LRP5: variants seen among roughly 807,000 people sequenced by gnomAD.
The protein encoded by LRP5 is LDL receptor related protein 5.
In LRP5, 62 loss-of-function variants were observed where a neutral mutation model predicts 154.1. That is an observed-to-expected ratio of 0.40 (90% CI 0.33 to 0.50). The LOEUF is 0.50. LRP5 is among the 20% of genes least tolerant of loss of function. LRP5 has a pLI of 0.55. For missense variants in LRP5, 1,915 were observed against 2,336.7 expected (o/e 0.82, Z 3.72); for synonymous variants, 966 against 1,011.5 (o/e 0.96, Z 0.85).
intron 6 of LRP5, among the ~76,000 whole-genome samples, chr11:68,388,816 G>A (rs1347850642): frequency 3.9e-5 from 6 of 152,182 alleles, no homozygotes; most frequent in African/African-American, 9.7e-5. Flanking sequence ...GGTGAAACCC[G>A]CACAGGGTGG....
At chr11:68,397,962 CTGTGTGTGTTTGTGTGTG>C (rs1295480568) in intron 7 of LRP5, among the ~76,000 whole-genome samples, 27 of 36,670 alleles carry the variant, frequency 7.4e-4, no homozygotes, top group African/African-American at 1.7e-3. Context: ...CACTGCAGAG[CTGTGTGTGTTTGTGTGTG>C]TGTGTGTGTG....
rs532485677 is a variant in LRP5 at position 68,435,933 on chromosome 11, C to T, written c.4001-956C>T. Among the ~76,000 whole-genome samples, 5 of 152,294 alleles carry T rather than the reference C, an allele frequency of 3.3e-5. 1 individual carries two copies. The South Asian group carries it at 1.0e-3, about 32-fold the overall frequency. ...TAGAGATGGGGTTTCACCATGTTGG[C>T]CAGGCTGGTCTCAAACTCCTGGCCT... On this transcript the variant is annotated intron_variant, in intron 18 of 22. Coordinates refer to ENST00000294304, the MANE Select transcript of LRP5 (RefSeq NM_002335.4).
At chr11:68,399,213 T>C (rs2098651269) in intron 7 of LRP5, among the ~76,000 whole-genome samples, 1 of 151,774 alleles carries the variant, frequency 6.6e-6, no homozygotes, top group African/African-American at 2.4e-5. Context: ...TAAAAATATA[T>C]ATTTAAAAAG....
At chr11:68,400,323 G>A (rs1218750979) in intron 7 of LRP5, among the ~76,000 whole-genome samples, 4 of 152,174 alleles carry the variant, frequency 2.6e-5, no homozygotes, top group Non-Finnish European at 5.9e-5. Flanking sequence ...CAGGGAAATG[G>A]ACTTCCTTGC....
chr11:68,320,356 C>T (rs919037947), intron 1 of LRP5, among the ~76,000 whole-genome samples: 16 of 152,090 alleles, frequency 1.1e-4, no homozygotes, highest in Non-Finnish European at 2.4e-4. Context: ...TTTGCACAAC[C>T]CTCATTTCTG....
chr11:68,403,799 C>G, intron 8 of LRP5, 100 bp downstream of exon 8: 1 of 1,430,966 alleles, frequency 7.0e-7, no homozygotes, highest in Non-Finnish European at 9.6e-7. Flanking sequence ...GCTCAGGTGC[C>G]CCGACCTGGG....
At position 68,385,166 on chromosome 11, in the gene LRP5, C is replaced by A. The variant is rs557124010; in HGVS notation, c.1016-1150C>A. ...TTGAGACCAGAATCACCTGAGCATCCTCCTGTCCCCAGCTGTGTCCAGCCT... is the reference window on the plus strand; with the variant it reads ...TTGAGACCAGAATCACCTGAGCATCATCCTGTCCCCAGCTGTGTCCAGCCT... On this transcript the variant is annotated intron_variant, in intron 5 of 22. Transcript: ENST00000294304. 2.0e-5 allele frequency among the ~76,000 whole-genome samples: 3 copies of A among 152,340 alleles called. No individual in the cohort carries two copies. In the South Asian group the frequency reaches 6.2e-4, roughly 32 times the overall value.
At chr11:68,385,319 GC>G (rs1403908219) in intron 5 of LRP5, among the ~76,000 whole-genome samples, 1 of 152,160 alleles carries the variant, frequency 6.6e-6, no homozygotes, top group Non-Finnish European at 1.5e-5. Context: ...AGCAGGCTTG[GC>G]CCTGGGGGGC....
Position 68,348,020 on chromosome 11 carries a change from C to G in LRP5, c.265C>G (p.Gln89Glu). The G allele has an allele frequency of 6.2e-7, 1 of 1,614,160 alleles. No individual in the cohort carries two copies. Among genetic ancestry groups the G allele is most frequent in the Non-Finnish European group, 8.5e-7 (1 of 1,180,032 alleles). ...AGACGTGAGCGAGGAGGCCATCAAG[C>G]AGACCTACCTGAACCAGACGGGGGC... ...WTDVSEEAIK[Q>E]TYLNQTGAAV... The change falls in exon 2 of 23, where the codon CAG becomes GAG. Residue 89 changes from glutamine to glutamate, a missense_variant. Gln to Glu is a conservative substitution (Grantham distance 29). Around this residue, in one of 3 missense-constraint regions of LRP5, gnomAD observed 773 missense variants for 1,100.9 expected, o/e 0.70. Coordinates refer to ENST00000294304, the MANE Select transcript of LRP5 (RefSeq NM_002335.4).
At chr11:68,331,044 G>A (rs185741726) in intron 1 of LRP5, among the ~76,000 whole-genome samples, 28 of 152,364 alleles carry the variant, frequency 1.8e-4, no homozygotes, top group Non-Finnish European at 2.6e-4. Context: ...GTGATCAGGC[G>A]CAGTTGGGAA....
intron 8 of LRP5, among the ~76,000 whole-genome samples, chr11:68,405,106 C>T (rs2098654850): frequency 6.6e-6 from 1 of 151,830 alleles, no homozygotes; most frequent in African/African-American, 2.4e-5. Flanking sequence ...TGTAGTGAGC[C>T]CGTATCGTAC....
In LRP5 at chr11:68,353,934, G is replaced by A. The variant is rs1014918463; in HGVS notation, c.489-3716G>A. On this transcript the variant is annotated intron_variant, in intron 2 of 22. Transcript: ENST00000294304. The surrounding 1 kb of genome is among the most constrained non-coding windows in gnomAD (Gnocchi z 4.5). The stretch of plus-strand genomic sequence containing the variant: ...TTGAGGGAAGGCACATCCCTCCCAG[G>A]CCCAGGGTACCCATGTGGGTGGCAG... Among the ~76,000 whole-genome samples the A allele has an allele frequency of 4.6e-5, 7 of 152,190 alleles. No individual in the cohort carries two copies. Among genetic ancestry groups the A allele is most frequent in the African/African-American group, 1.7e-4 (7 of 41,452 alleles).
At chr11:68,397,090 C>T (rs972541165) in intron 7 of LRP5, among the ~76,000 whole-genome samples, 1 of 152,152 alleles carries the variant, frequency 6.6e-6, no homozygotes, top group Non-Finnish European at 1.5e-5. Context: ...GTTCTGGCCC[C>T]TGGGACACCT....
At chr11:68,379,306 C>A (rs1292629230) in intron 5 of LRP5, among the ~76,000 whole-genome samples, 1 of 152,140 alleles carries the variant, frequency 6.6e-6, no homozygotes. Flanking sequence ...GGTTCTTGGT[C>A]TTGAGTTTTG....
At position 68,312,822 on chromosome 11, in the gene LRP5, C is replaced by T. The variant is rs1330303034; in HGVS notation, c.91+17C>T. 1.9e-6 allele frequency: 2 copies of T among 1,030,214 alleles called. No homozygotes were observed. Among genetic ancestry groups the T allele is most frequent in the Non-Finnish European group, 2.3e-6 (2 of 861,334 alleles). The allele number at this position is 1,030,214 out of a possible 1,614,324, so 63.8% of individuals were successfully genotyped here. A position where few individuals can be genotyped will look rare whatever the true frequency, so the allele number is the denominator to read the frequency against. ...CCGCCGCGGGTAGGTGGGCGCAGGC[C>T]GGCCGGGGGCCGCGGGTTGCTCGGA... On this transcript the variant is annotated intron_variant, in intron 1 of 22. Coordinates refer to ENST00000294304, the MANE Select transcript of LRP5 (RefSeq NM_002335.4).
chr11:68,411,567 G>A lies in LRP5; in HGVS notation c.2450G>A (p.Arg817His), dbSNP rs1159453402. ...CTCACCATTGACTACGCTGACCAGC[G>A]CCTCTACTGGACCGACCTGGACACC... is the stretch of plus-strand genomic sequence containing the variant. ...NDLTIDYADQ[R>H]LYWTDLDTNM... is the part of the protein sequence containing the mutation. The change falls in exon 11 of 23, where the codon CGC becomes CAC. Residue 817 changes from arginine (R) to histidine (H), a missense_variant. Arg to His is a conservative substitution (Grantham distance 29). Transcript: ENST00000294304. The A allele has an allele frequency of 9.3e-6, 15 of 1,613,642 alleles. No individual in the cohort carries two copies. Among genetic ancestry groups the A allele is most frequent in the Admixed American group, 1.7e-5 (1 of 60,022 alleles).
chr11:68,319,080 T>G (rs1404852873), intron 1 of LRP5, among the ~76,000 whole-genome samples: 8 of 148,456 alleles, frequency 5.4e-5, no homozygotes, highest in Admixed American at 2.7e-4. Context: ...TTGTTTTTTT[T>G]TTTTTTTTTT....
intron 12 of LRP5, among the ~76,000 whole-genome samples, chr11:68,414,700 G>C (rs911231082): frequency 2.0e-5 from 3 of 152,232 alleles, no homozygotes; most frequent in African/African-American, 7.2e-5. Context: ...CGCAGAACTT[G>C]ATAGTTTATA....
intron 21 of LRP5, among the ~76,000 whole-genome samples, chr11:68,441,715 A>C (rs1490282700): frequency 6.6e-6 from 1 of 152,180 alleles, no homozygotes; most frequent in East Asian, 1.9e-4. Context: ...AAGAGATGGC[A>C]CTGAGCAGCC....
Sources: gnomAD v4.1 joint callset for allele counts (sites outside exome capture counted in the v4.1 genomes callset) on GRCh38, gnomAD v4.1.1 for gene constraint, gnomAD v4.1.1 regional missense constraint, Gnocchi (gnomAD v3.1) non-coding constraint, MANE v1.5 for transcripts, NCBI Gene and HGNC (gene_info 2026-07-23, HGNC 2026-07-21) for gene names.